Variants in DENND1A observed in about 807,000 individuals in gnomAD.
The protein encoded by DENND1A is DENN domain-containing protein 1A.
DENND1A carries 51 observed loss-of-function variants against 113.7 expected under a neutral mutation model. The ratio of observed to expected loss-of-function variants is 0.45; its 90% CI spans 0.36 to 0.57. The LOEUF (loss-of-function observed/expected upper bound fraction) is 0.57, where lower values mean the gene tolerates loss of function less well. Ranked by LOEUF, DENND1A falls within the 20% of genes least tolerant of loss-of-function variation. DENND1A has a pLI of 0.00. For synonymous variants in DENND1A, 565 were observed against 570.8 expected (o/e 0.99, Z 0.14); for missense variants, 1,258 against 1,395.9 (o/e 0.90, Z 1.57).
chr9:123,728,861 T>C (rs921731479), intron 5 of DENND1A, among the ~76,000 whole-genome samples: 2 of 151,688 alleles, frequency 1.3e-5, no homozygotes, highest in Non-Finnish European at 2.9e-5. Context: ...GATGCGAAAA[T>C]CCTCAATAAA....
At position 123,613,301 on chromosome 9, in the gene DENND1A, C is replaced by A. The variant is rs190273610; in HGVS notation, c.720-3820G>T. ...AAACCTCTTATCACTCTTGAGCATA[C>A]ATTAAAAATAAAACAGCAAAATAAA... On this transcript the variant is annotated intron_variant, in intron 10 of 23. Transcript: ENST00000394215. Among the ~76,000 whole-genome samples the A allele has an allele frequency of 6.6e-4, 100 of 151,416 alleles. 1 individual carries two copies. The highest frequency in any genetic ancestry group is 3.4e-3 in the Middle Eastern group (1 of 294).
At chr9:123,795,397 G>A (rs1833614583) in intron 2 of DENND1A, among the ~76,000 whole-genome samples, 1 of 152,176 alleles carries the variant, frequency 6.6e-6, no homozygotes, top group Non-Finnish European at 1.5e-5. Context: ...TATCGACATT[G>A]GAAACATCTG....
chr9:123,398,707 A>G (rs2043267938), intron 21 of DENND1A, among the ~76,000 whole-genome samples: 1 of 150,058 alleles, frequency 6.7e-6, no homozygotes, highest in African/African-American at 2.5e-5. Flanking sequence ...ACCCAGTTGG[A>G]TGGGCAATTT....
intron 19 of DENND1A, among the ~76,000 whole-genome samples, chr9:123,415,069 A>G (rs990831728): frequency 6.6e-6 from 1 of 152,202 alleles, no homozygotes; most frequent in African/African-American, 2.4e-5. Flanking sequence ...GGTGGGAAGA[A>G]AGCAGCCTCT....
chr9:123,722,186 T>A (rs762134265), intron 5 of DENND1A, among the ~76,000 whole-genome samples: 1 of 152,242 alleles, frequency 6.6e-6, no homozygotes, highest in Non-Finnish European at 1.5e-5. Context: ...ATTTTGCTCC[T>A]GCTTTAGAGA....
chr9:123,452,242 T>C (rs763283193), intron 17 of DENND1A, 34 bp downstream of exon 17: 2 of 1,586,800 alleles, frequency 1.3e-6, no homozygotes, highest in South Asian at 1.1e-5. Context: ...GGGACTGATC[T>C]GTTTTGGCTC....
Position 123,457,917 on chromosome 9 carries a change from G to A in DENND1A, c.994-20C>T, listed in dbSNP as rs201444084. On this transcript the variant is annotated intron_variant, in intron 13 of 23. Coordinates refer to ENST00000394215, the MANE Select transcript of DENND1A (RefSeq NM_001352964.2). ...CTCCTCCTGGGAAGTGCAGAGGGGA[G>A]AGGTGGGTCAGTGGCACGGAGCAAG... is the stretch of plus-strand genomic sequence containing the variant. 1.7e-5 allele frequency: 27 copies of A among 1,591,284 alleles called. No individual in the cohort carries two copies. Among genetic ancestry groups the A allele is most frequent in the Non-Finnish European group, 2.1e-5 (25 of 1,165,410 alleles).
At chr9:123,872,410 A>G (rs1846783973) in intron 2 of DENND1A, among the ~76,000 whole-genome samples, 1 of 152,232 alleles carries the variant, frequency 6.6e-6, no homozygotes, top group Non-Finnish European at 1.5e-5. Context: ...ATTTCTGCAA[A>G]TCAACATTAA....
intron 2 of DENND1A, among the ~76,000 whole-genome samples, chr9:123,810,787 T>C (rs1406653025): frequency 6.8e-6 from 1 of 147,926 alleles, no homozygotes; most frequent in Non-Finnish European, 1.5e-5. Context: ...AGATGAAGTC[T>C]CGCTCTTGTC....
At chr9:123,909,618 C>T (rs1242075410) in intron 1 of DENND1A, among the ~76,000 whole-genome samples, 1 of 151,930 alleles carries the variant, frequency 6.6e-6, no homozygotes, top group Non-Finnish European at 1.5e-5. Flanking sequence ...ATATTAAGCA[C>T]TTTCCTCTGA....
chr9:123,674,394 A>C (rs2063939076), intron 6 of DENND1A, among the ~76,000 whole-genome samples: 2 of 143,102 alleles, frequency 1.4e-5, no homozygotes, highest in South Asian at 4.4e-4. Context: ...ACACACACAC[A>C]ATAGAAGCCT....
chr9:123,822,272 TATA>T (rs1210137101), intron 2 of DENND1A, among the ~76,000 whole-genome samples: 1 of 152,202 alleles, frequency 6.6e-6, no homozygotes, highest in Non-Finnish European at 1.5e-5. Context: ...ATAAACACAA[TATA>T]ATGTTACTAC....
rs117200192 is a variant in DENND1A, at chr9:123,612,206, G to A, written c.720-2725C>T. ...GTTTGCTCTGCAAATATATAATTAC[G>A]AATTCCAAGTGGTGAGAGGGAGAGG... is the stretch of plus-strand genomic sequence containing the variant. On this transcript the variant is annotated intron_variant, in intron 10 of 23. Coordinates refer to ENST00000394215, the MANE Select transcript of DENND1A (RefSeq NM_001352964.2). Among the ~76,000 whole-genome samples the A allele has an allele frequency of 1.0e-2, 1,521 of 152,198 alleles. 13 individuals carry two copies. Among genetic ancestry groups the A allele is most frequent in the South Asian group, 0.021 (102 of 4,812 alleles).
intron 1 of DENND1A, among the ~76,000 whole-genome samples, chr9:123,927,100 G>A (rs73666354): frequency 0.022 from 3,276 of 152,280 alleles, 127 homozygotes; most frequent in African/African-American, 0.076. Context: ...CCACTGGACA[G>A]TAGTGAGGGT....
chr9:123,586,880 G>A (rs1248190226), intron 11 of DENND1A, among the ~76,000 whole-genome samples: 1 of 152,114 alleles, frequency 6.6e-6, no homozygotes, highest in Non-Finnish European at 1.5e-5. Context: ...CCAAGTGGGG[G>A]CGCAGAGAGG....
At chr9:123,794,437 AG>A (rs1381992304) in intron 2 of DENND1A, among the ~76,000 whole-genome samples, 6 of 152,202 alleles carry the variant, frequency 3.9e-5, no homozygotes, top group Middle Eastern at 3.2e-3. Context: ...AAATCATCTA[AG>A]GCTTATTCTT....
intron 5 of DENND1A, among the ~76,000 whole-genome samples, chr9:123,728,479 C>CAGAAAAAA: frequency 4.0e-5 from 1 of 25,194 alleles, no homozygotes; most frequent in Admixed American, 7.3e-4. Flanking sequence ...CTCTGTCTCC[C>CAGAAAAAA]AAAAAAAAAA....
intron 13 of DENND1A, among the ~76,000 whole-genome samples, chr9:123,515,274 A>G (rs2053809622): frequency 6.6e-6 from 1 of 152,212 alleles, no homozygotes; most frequent in Non-Finnish European, 1.5e-5. Context: ...AGTAACTGCG[A>G]TTTTTGCTAT....
intron 2 of DENND1A, among the ~76,000 whole-genome samples, chr9:123,854,535 A>C (rs1389035815): frequency 6.6e-6 from 1 of 152,000 alleles, no homozygotes; most frequent in Admixed American, 6.6e-5. Flanking sequence ...GCTCTACTAA[A>C]AATACAAAAA....
Sources: allele counts gnomAD v4.1 joint callset (sites outside exome capture counted in the v4.1 genomes callset), GRCh38; gene constraint gnomAD v4.1.1; transcripts MANE v1.5; gene names NCBI Gene and HGNC (gene_info 2026-07-23, HGNC 2026-07-21).